The following KRT74 variants were observed in gnomAD, a reference collection of about 807,000 sequenced individuals.
KRT74 encodes the protein keratin, type II cytoskeletal 74.
KRT74 carries 43 observed loss-of-function variants against 42.7 expected under a neutral mutation model. The ratio of observed to expected loss-of-function variants is 1.01; its 90% CI spans 0.79 to 1.30. The LOEUF (loss-of-function observed/expected upper bound fraction) is 1.30. Among genes scored for constraint, KRT74 ranks in the 50% most tolerant of loss-of-function variants. The pLI, the probability that KRT74 is intolerant of heterozygous loss-of-function variation, is 0.00. For synonymous variants in KRT74, 302 were observed against 279.0 expected (o/e 1.08, Z -0.82); for missense variants, 736 against 689.1 (o/e 1.07, Z -0.76).
In KRT74 at chr12:52,571,931, C is replaced by T. The variant is rs777378378; in HGVS notation, c.747+13G>A. 2.0e-6 allele frequency: 3 copies of T among 1,511,838 alleles called. No individual in the cohort carries two copies. The highest frequency in any genetic ancestry group is 2.8e-5 in the African/African-American group (2 of 72,340). 93.7% of individuals were successfully genotyped at this position (1,511,838 alleles called of 1,614,324 possible). On this transcript the variant is annotated intron_variant, in intron 3 of 8. Transcript: ENST00000305620. ...GCGAGAGACCCTAATAAGGAGGCTC[C>T]TCCCTCTCTTACCTTCTTAAGCACC...
Position 52,573,713 on chromosome 12 carries a change from A to G in KRT74, c.65T>C (p.Val22Ala), listed in dbSNP as rs1386928316. Residue 22 changes from valine (V) to alanine (A), a missense_variant, in exon 1 of 9, where the codon GTG becomes GCG. Coordinates refer to ENST00000305620, the MANE Select transcript of KRT74 (RefSeq NM_175053.4). ...GCTACCCACAGCCTTCCTTGGCACC[A>G]CTGCCGAATGCACACTGAAGTTGCC... The part of the protein sequence containing the change: ...DKGNFSVHSA[V>A]VPRKAVGSLA... 5 of 1,614,088 alleles carry G rather than the reference A, an allele frequency of 3.1e-6. No individual in the cohort carries two copies. The South Asian group carries it at 5.5e-5, about 18-fold the overall frequency.
intron 6 of KRT74, chr12:52,569,437 G>T: frequency 1.6e-6 from 1 of 606,586 alleles, no homozygotes; most frequent in South Asian, 2.0e-5. Context: ...CCCCACACAT[G>T]TTCCATGTCC....
intron 8 of KRT74, among the ~76,000 whole-genome samples, 165 bp downstream of exon 8, chr12:52,567,494 C>T (rs997798014): frequency 1.3e-5 from 2 of 152,174 alleles, no homozygotes; most frequent in African/African-American, 4.8e-5. Flanking sequence ...ACCTCAGTCA[C>T]CATTTCACAG....
intron 3 of KRT74, 36 bp downstream of exon 3, chr12:52,571,908 G>T: frequency 7.3e-7 from 1 of 1,360,600 alleles, no homozygotes; most frequent in Non-Finnish European, 1.1e-6. Context: ...ATGGGGGTGC[G>T]AGAGACCCTA....
At chr12:52,567,603 C>G (rs969665204) in intron 8 of KRT74, 56 bp downstream of exon 8, 1 of 1,325,396 alleles carries the variant, frequency 7.5e-7, no homozygotes, top group Admixed American at 1.7e-5. Context: ...GGTGACATCA[C>G]TTTGTCCCAG....
In KRT74 at chr12:52,572,594, T is replaced by C; in HGVS notation, c.545A>G (p.Asn182Ser). Residue 182 changes from asparagine to serine, a missense_variant, in exon 2 of 9, where the codon AAC becomes AGC. Coordinates refer to ENST00000305620, the MANE Select transcript of KRT74 (RefSeq NM_175053.4). ...WELLQQLDLN[N>S]CKKNLEPILE... ...GATGGGCTCCAGGTTCTTCTTGCAG[T>C]TGTTCAGGTCCAGCTGCTGCAGCAG... is the stretch of plus-strand genomic sequence containing the variant. The C allele has an allele frequency of 6.2e-7, 1 of 1,614,196 alleles. No individual in the cohort carries two copies. Among genetic ancestry groups the C allele is most frequent in the Non-Finnish European group, 8.5e-7 (1 of 1,180,026 alleles).
chr12:52,573,527 C>T lies in KRT74; in HGVS notation c.251G>A (p.Gly84Asp). 1.2e-6 allele frequency: 2 copies of T among 1,614,138 alleles called. No individual in the cohort carries two copies. Among genetic ancestry groups the T allele is most frequent in the Non-Finnish European group, 1.7e-6 (2 of 1,180,046 alleles). Residue 84 changes from glycine (G) to aspartate (D), a missense_variant, in exon 1 of 9, where the codon GGC becomes GAC. Transcript: ENST00000305620. ...ACTGCCAGCAAAGCCACTGGCCCGG[C>T]CCCCTCCATACCCAGAGCCAGGCCT... ...GFRPGSGYGG[G>D]RASGFAGSMF... is the part of the protein sequence containing the mutation.
intron 6 of KRT74, among the ~76,000 whole-genome samples, chr12:52,569,146 C>T (rs968628658): frequency 6.6e-6 from 1 of 152,126 alleles, no homozygotes; most frequent in African/African-American, 2.4e-5. Flanking sequence ...CTATCACTAG[C>T]AGAGCAGACC....
chr12:52,571,817 C>T lies in KRT74; in HGVS notation c.747+127G>A. On this transcript the variant is annotated intron_variant, in intron 3 of 8. Transcript: ENST00000305620. ...TGGAGGCCAGGACTATGACTCCACC[C>T]TCACCAGGCACCAGCCCCCTCACCA... 5.1e-6 allele frequency: 4 copies of T among 788,426 alleles called. 1 individual carries two copies. The South Asian group carries it at 5.4e-5, about 11-fold the overall frequency. 48.8% of individuals were successfully genotyped at this position (788,426 alleles called of 1,614,324 possible). A position where few individuals can be genotyped will look rare whatever the true frequency, so the allele number is the denominator to read the frequency against.
Position 52,573,419 on chromosome 12 carries a change from C to A in KRT74, c.359G>T (p.Ser120Ile). 6.2e-7 allele frequency: 1 copy of A among 1,614,208 alleles called. No homozygotes were observed. The change falls in exon 1 of 9, where the codon AGC (serine) becomes ATC (isoleucine). Residue 120 changes from serine (S) to isoleucine (I), a missense_variant. Physicochemically the swap from Ser to Ile is moderately radical, Grantham distance 142. Transcript: ENST00000305620. ...CTCCACGTTGAGGGGGGCCAAGAGG[C>A]TCTTGTTGACAGTGACCTGGTGGAT... ...GGIHQVTVNK[S>I]LLAPLNVELD...
At chr12:52,567,280 G>A (rs564958054) in intron 8 of KRT74, 112 bp from the exon 9 acceptor site, 39 of 888,444 alleles carry the variant, frequency 4.4e-5, no homozygotes, top group South Asian at 2.2e-4. Flanking sequence ...CATTTAATCC[G>A]CAGAACCACC....
Position 52,568,268 on chromosome 12 carries a change from G to T in KRT74, c.1256C>A (p.Ala419Glu). 6.2e-7 allele frequency: 1 copy of T among 1,614,134 alleles called. No individual in the cohort carries two copies. Among genetic ancestry groups the T allele is most frequent in the Admixed American group, 1.7e-5 (1 of 60,030 alleles). ...CTCCTGGTACTCGCGCAGCATCCGCGCCAGCTCCTCCTTGGCCTGGTGCAG... is the reference window on the plus strand; with the variant it reads ...CTCCTGGTACTCGCGCAGCATCCGCTCCAGCTCCTCCTTGGCCTGGTGCAG... ...GALHQAKEEL[A>E]RMLREYQELM... The change falls in exon 7 of 9, where the codon GCG (alanine) becomes GAG (glutamate). Residue 419 changes from alanine to glutamate, a missense_variant. By Grantham distance (107) the Ala-to-Glu change is moderately radical. Coordinates refer to ENST00000305620, the MANE Select transcript of KRT74 (RefSeq NM_175053.4).
Position 52,571,928 on chromosome 12 carries a change from C to A in KRT74, c.747+16G>T, listed in dbSNP as rs757995275. ...GGTGCGAGAGACCCTAATAAGGAGG[C>A]TCCTCCCTCTCTTACCTTCTTAAGC... On this transcript the variant is annotated intron_variant, in intron 3 of 8. Transcript: ENST00000305620. 1.3e-6 allele frequency: 2 copies of A among 1,488,692 alleles called. No individual in the cohort carries two copies. The highest frequency in any genetic ancestry group is 1.9e-6 in the Non-Finnish European group (2 of 1,066,250). 92.2% of individuals were successfully genotyped at this position (1,488,692 alleles called of 1,614,324 possible). A position where few individuals can be genotyped will look rare whatever the true frequency, so the allele number is the denominator to read the frequency against.
Position 52,569,876 on chromosome 12 carries a change from C to G in KRT74, c.1117G>C (p.Gly373Arg), listed in dbSNP as rs148117339. The change falls in exon 6 of 9, where the codon GGG becomes CGG. Residue 373 changes from glycine to arginine, a missense_variant. By Grantham distance (125) the Gly-to-Arg change is moderately radical. Coordinates refer to ENST00000305620, the MANE Select transcript of KRT74 (RefSeq NM_175053.4). ...CTGCCCACCTGCTTCTTCACATTCC[C>G]GATCTCACACCGGATCCTCTGGATG... ...RLIQRIRCEIGNVKKQRASLE... is the reference protein window; with the variant it reads ...RLIQRIRCEIRNVKKQRASLE... The G allele has an allele frequency of 7.1e-4, 1,146 of 1,614,186 alleles. 3 individuals are homozygous for G. Among genetic ancestry groups the G allele is most frequent in the Non-Finnish European group, 9.2e-4 (1,088 of 1,180,030 alleles).
intron 1 of KRT74, 133 bp from the exon 2 acceptor site, chr12:52,572,800 T>A (rs1939511502): frequency 1.2e-6 from 1 of 803,010 alleles, no homozygotes; most frequent in African/African-American, 1.7e-5. Context: ...TCTCCACCCT[T>A]GCCATTCCAC....
At position 52,566,621 on chromosome 12, in the gene KRT74, C is replaced by T. The variant is rs1939385974; in HGVS notation, c.*348G>A. Reference sequence around the variant, plus strand: ...TAGCTAACTTGGCCTAAGCACAGAACAAACCAGCCCCTCCCCTGTCGTCTC... The same window carrying T: ...TAGCTAACTTGGCCTAAGCACAGAATAAACCAGCCCCTCCCCTGTCGTCTC... On this transcript the variant is annotated 3_prime_UTR_variant, in exon 9 of 9. Coordinates refer to ENST00000305620, the MANE Select transcript of KRT74 (RefSeq NM_175053.4). The T allele has an allele frequency of 4.0e-6, 1 of 247,432 alleles. No individual in the cohort carries two copies. The highest frequency in any genetic ancestry group is 7.7e-6 in the Non-Finnish European group (1 of 129,764). 15.3% of individuals were successfully genotyped at this position (247,432 alleles called of 1,614,324 possible). A position where few individuals can be genotyped will look rare whatever the true frequency, so the allele number is the denominator to read the frequency against.
At position 52,569,972 on chromosome 12, in the gene KRT74, G is replaced by T; in HGVS notation, c.1021C>A (p.Gln341Lys). 6.2e-7 allele frequency: 1 copy of T among 1,614,078 alleles called. No homozygotes were observed. Among genetic ancestry groups the T allele is most frequent in the South Asian group, 1.1e-5 (1 of 91,078 alleles). ...ALYQTKIQEL[Q>K]LAASRHGDDL... is the part of the protein sequence containing the mutation. ...TCACCATGCCGACTGGCTGCCAGCT[G>T]CAGCTCCTGGATCTGGTTTCCCAGA... Residue 341 changes from glutamine (Q) to lysine (K), a missense_variant, in exon 6 of 9, where the codon CAG becomes AAG. By Grantham distance (53) the Gln-to-Lys change is moderately conservative (BLOSUM62 1). Coordinates refer to ENST00000305620, the MANE Select transcript of KRT74 (RefSeq NM_175053.4).
chr12:52,571,633 A>G (rs1049121080), intron 3 of KRT74, among the ~76,000 whole-genome samples, 179 bp from the exon 4 acceptor site: 3 of 152,222 alleles, frequency 2.0e-5, no homozygotes, highest in Non-Finnish European at 4.4e-5. Flanking sequence ...AGGATGGGGC[A>G]GCTCTGTTAT....
At chr12:52,572,406 G>A (rs775976098) in intron 2 of KRT74, 47 bp downstream of exon 2, 1 of 1,599,250 alleles carries the variant, frequency 6.3e-7, no homozygotes, top group Non-Finnish European at 8.6e-7. Context: ...GGTGAGCCCA[G>A]AGGCACGGGA....
Sources: allele counts gnomAD v4.1 joint callset (sites outside exome capture counted in the v4.1 genomes callset), GRCh38; gene constraint gnomAD v4.1.1; transcripts MANE v1.5; gene names NCBI Gene and HGNC (gene_info 2026-07-23, HGNC 2026-07-21).